Variants in TNRC6A observed in about 807,000 individuals in gnomAD.
The protein encoded by TNRC6A is trinucleotide repeat containing adaptor 6A, also known as trinucleotide repeat-containing gene 6A protein.
A neutral mutation model predicts 221.2 loss-of-function variants in TNRC6A; 44 were observed. The ratio of observed to expected loss-of-function variants is 0.20; its 90% CI spans 0.16 to 0.26. TNRC6A has a LOEUF of 0.26. Ranked by LOEUF, TNRC6A falls within the 10% of genes least tolerant of loss-of-function variation. The pLI, the probability that TNRC6A is intolerant of heterozygous loss-of-function variation, is 1.00. For missense variants in TNRC6A, 2,199 were observed against 2,404.4 expected (o/e 0.91, Z 1.79); for synonymous variants, 847 against 838.5 (o/e 1.01, Z -0.18).
intron 2 of TNRC6A, among the ~76,000 whole-genome samples, chr16:24,665,286 G>A (rs543747796): frequency 6.6e-6 from 1 of 151,940 alleles, no homozygotes; most frequent in Non-Finnish European, 1.5e-5. Flanking sequence ...TGTTGCCCAG[G>A]CTGGTCTTAA....
At chr16:24,811,704 G>A (rs549078792) in intron 18 of TNRC6A, among the ~76,000 whole-genome samples, 2 of 152,084 alleles carry the variant, frequency 1.3e-5, no homozygotes, top group African/African-American at 4.8e-5. Flanking sequence ...GAGAATTGGA[G>A]TAGATCTAGT....
At chr16:24,626,622 T>C (rs1901006854) in intron 1 of TNRC6A, among the ~76,000 whole-genome samples, 1 of 151,680 alleles carries the variant, frequency 6.6e-6, no homozygotes, top group Non-Finnish European at 1.5e-5. Context: ...AAGCATATGT[T>C]TTACCAAGTT....
chr16:24,815,160 T>G lies in TNRC6A; in HGVS notation c.4686T>G (p.Ser1562Arg). 1 of 1,613,362 alleles carries G rather than the reference T, an allele frequency of 6.2e-7. No individual in the cohort carries two copies. The highest frequency in any genetic ancestry group is 8.5e-7 in the Non-Finnish European group (1 of 1,179,312). Residue 1562 changes from serine to arginine, a missense_variant, in exon 19 of 25, where the codon AGT becomes AGG. Ser to Arg is a moderately radical substitution (Grantham distance 110). Transcript: ENST00000395799. ...QNSSKHGAIS[S>R]GFRLEESPFV... is the part of the protein sequence containing the mutation. ...TTCCCTTGTTAGGTGCTATTTCAAG[T>G]GGTTTCAGGCTGGAAGAGTCTCCAT... is the stretch of plus-strand genomic sequence containing the variant.
At chr16:24,617,416 C>T (rs1483632256) in intron 1 of TNRC6A, among the ~76,000 whole-genome samples, 4 of 152,140 alleles carry the variant, frequency 2.6e-5, no homozygotes, top group Non-Finnish European at 4.4e-5. Context: ...AGCCACCACC[C>T]CTGGCCAAGA....
intron 2 of TNRC6A, among the ~76,000 whole-genome samples, chr16:24,748,394 T>C (rs1333970140): frequency 6.6e-6 from 1 of 152,146 alleles, no homozygotes; most frequent in African/African-American, 2.4e-5. Context: ...GGGATTGTAG[T>C]GTGAGTGAGC....
rs1242727201 is a variant in TNRC6A, at chr16:24,824,562, ATTTT to A, written c.*759_*762del. The A allele has an allele frequency of 1.3e-5, 2 of 151,552 alleles. No homozygotes were observed. The highest frequency in any genetic ancestry group is 2.4e-5 in the African/African-American group (1 of 41,062). 9.4% of individuals were successfully genotyped at this position (151,552 alleles called of 1,614,324 possible). On this transcript the variant is annotated 3_prime_UTR_variant, in exon 25 of 25. Coordinates refer to ENST00000395799, the MANE Select transcript of TNRC6A (RefSeq NM_014494.4). Reference sequence around the variant, plus strand: ...TCACTTTGAACCTTCTTGTTTACAGATTTTTTTGTTTGTTTTTTGAGAAAAAAAA... The same window carrying A: ...TCACTTTGAACCTTCTTGTTTACAGATTTGTTTGTTTTTTGAGAAAAAAAA...
chr16:24,713,654 A>ATT (rs112030829), intron 2 of TNRC6A, among the ~76,000 whole-genome samples: 5 of 146,376 alleles, frequency 3.4e-5, no homozygotes, highest in African/African-American at 1.0e-4. Flanking sequence ...GTTTAGTTTT[A>ATT]TTTTTTTTTT....
intron 3 of TNRC6A, among the ~76,000 whole-genome samples, chr16:24,757,057 A>G (rs1394801761): frequency 1.3e-5 from 2 of 152,210 alleles, no homozygotes; most frequent in African/African-American, 4.8e-5. Context: ...CTCAGATTTT[A>G]AAAATGATTT....
intron 2 of TNRC6A, among the ~76,000 whole-genome samples, chr16:24,648,745 G>T (rs747892168): frequency 3.9e-5 from 6 of 152,166 alleles, no homozygotes; most frequent in Non-Finnish European, 7.3e-5. Flanking sequence ...AGTGTCAAGG[G>T]ATGTTGAGCA....
intron 2 of TNRC6A, among the ~76,000 whole-genome samples, chr16:24,657,331 A>AC (rs1567330361): frequency 6.8e-6 from 1 of 147,680 alleles, no homozygotes; most frequent in Non-Finnish European, 1.5e-5. Context: ...AAAAAAAAAA[A>AC]AAAAAAAAAA....
chr16:24,733,764 C>T (rs118171189), intron 2 of TNRC6A, among the ~76,000 whole-genome samples: 4 of 152,256 alleles, frequency 2.6e-5, no homozygotes, highest in East Asian at 1.9e-4. Context: ...CTTTTTGTTG[C>T]GTACTGATGT....
intron 1 of TNRC6A, among the ~76,000 whole-genome samples, chr16:24,622,770 T>C (rs901871268): frequency 1.3e-5 from 2 of 152,166 alleles, no homozygotes; most frequent in Non-Finnish European, 2.9e-5. Context: ...GTATGTGACA[T>C]AGCACAAATG....
intron 2 of TNRC6A, among the ~76,000 whole-genome samples, chr16:24,687,837 G>GGAAGAGGAAGAAGAAGAAGAAGAAGAA (rs2055659375): frequency 1.7e-4 from 3 of 17,518 alleles, no homozygotes; most frequent in African/African-American, 6.0e-4. Context: ...AAGAGGAAGA[G>GGAAGAGGAAGAAGAAGAAGAAGAAGAA]GAAGAGGAAG....
chr16:24,788,794 G>A (rs909869695), intron 5 of TNRC6A, among the ~76,000 whole-genome samples: 11 of 151,928 alleles, frequency 7.2e-5, no homozygotes, highest in African/African-American at 1.7e-4. Context: ...GACTACAGGC[G>A]CCCACCACCA....
At chr16:24,756,518 TCTCCA>T (rs1336525554) in intron 3 of TNRC6A, among the ~76,000 whole-genome samples, 1 of 152,172 alleles carries the variant, frequency 6.6e-6, no homozygotes, top group Non-Finnish European at 1.5e-5. Context: ...ACCTTAGGTG[TCTCCA>T]TGGGGCCATT....
chr16:24,797,633 T>A, intron 10 of TNRC6A, 63 bp downstream of exon 10: 1 of 1,322,206 alleles, frequency 7.6e-7, no homozygotes, highest in Non-Finnish European at 1.1e-6. Context: ...TATCTTGATT[T>A]CACTCTTTTT....
chr16:24,645,631 T>C (rs1269861700), intron 2 of TNRC6A, among the ~76,000 whole-genome samples: 2 of 151,810 alleles, frequency 1.3e-5, no homozygotes, highest in Admixed American at 6.6e-5. Context: ...AGTTTGTCAA[T>C]ATCAACAATA....
At position 24,822,238 on chromosome 16, in the gene TNRC6A, G is replaced by A. The variant is rs753852666; in HGVS notation, c.5373+91G>A. 90 of 1,306,950 alleles carry A rather than the reference G, an allele frequency of 6.9e-5. 1 individual carries two copies. The South Asian group carries it at 1.1e-3, about 16-fold the overall frequency. The allele number at this position is 1,306,950 out of a possible 1,614,324, so 81.0% of individuals were successfully genotyped here. ...CTGTATGTGAGACAAGGGCTGCTAG[G>A]TGGTAGTGAAGCCGAGCAGAGGAAA... On this transcript the variant is annotated intron_variant, in intron 23 of 24. Transcript: ENST00000395799.
intron 2 of TNRC6A, among the ~76,000 whole-genome samples, chr16:24,698,764 G>T (rs2055912513): frequency 6.6e-6 from 1 of 152,134 alleles, no homozygotes; most frequent in Non-Finnish European, 1.5e-5. Flanking sequence ...AGGCTGGAGT[G>T]CAGTGGCATG....
Sources: allele counts gnomAD v4.1 joint callset (sites outside exome capture counted in the v4.1 genomes callset), GRCh38; gene constraint gnomAD v4.1.1; transcripts MANE v1.5; gene names NCBI Gene and HGNC (gene_info 2026-07-23, HGNC 2026-07-21).